The following GULP1 variants were observed in gnomAD, a reference collection of about 807,000 sequenced individuals.
GULP1 encodes the protein GULP PTB domain containing engulfment adaptor 1.
A neutral mutation model predicts 40.9 loss-of-function variants in GULP1; 19 were observed. The observed-to-expected ratio is 0.46, with a 90% CI of 0.32 to 0.68. GULP1 has a LOEUF of 0.68. Ranked by LOEUF, GULP1 falls within the 30% of genes least tolerant of loss-of-function variation. The pLI is 0.03. For synonymous variants in GULP1, 119 were observed against 117.6 expected (o/e 1.01, Z -0.08); for missense variants, 312 against 362.2 (o/e 0.86, Z 1.12).
At chr2:188,416,410 A>G (rs2054589201) in intron 2 of GULP1, among the ~76,000 whole-genome samples, 1 of 152,172 alleles carries the variant, frequency 6.6e-6, no homozygotes. Flanking sequence ...GTACATTTTC[A>G]ATGACTGAAA....
intron 1 of GULP1, among the ~76,000 whole-genome samples, chr2:188,328,724 G>A (rs183690136): frequency 5.8e-4 from 88 of 152,156 alleles, no homozygotes; most frequent in Non-Finnish European, 1.6e-4. Flanking sequence ...ACAAAATCAA[G>A]GAATTGCAGA....
chr2:188,351,244 T>C (rs561979417), intron 1 of GULP1, among the ~76,000 whole-genome samples: 24 of 151,906 alleles, frequency 1.6e-4, no homozygotes, highest in Non-Finnish European at 3.4e-4. Flanking sequence ...AGAAAAAAGA[T>C]GAGGAGAGAA....
chr2:188,587,654 T>C (rs892374453), intron 10 of GULP1, among the ~76,000 whole-genome samples: 2 of 152,182 alleles, frequency 1.3e-5, no homozygotes, highest in Admixed American at 1.3e-4. Context: ...TAAAACTTTT[T>C]AATATCATAA....
chr2:188,375,127 G>A (rs558966510), intron 1 of GULP1, among the ~76,000 whole-genome samples: 1 of 152,256 alleles, frequency 6.6e-6, no homozygotes, highest in East Asian at 1.9e-4. Flanking sequence ...ATGGCTAACA[G>A]CAGACAAATT....
At chr2:188,470,568 A>T (rs2060504962) in intron 2 of GULP1, among the ~76,000 whole-genome samples, 1 of 152,106 alleles carries the variant, frequency 6.6e-6, no homozygotes, top group African/African-American at 2.4e-5. Flanking sequence ...CTTCCCTCTT[A>T]GTACTGCTTT....
At chr2:188,522,604 A>T (rs1685132349) in intron 4 of GULP1, 152 bp from the exon 5 acceptor site, 1 of 222,728 alleles carries the variant, frequency 4.5e-6, no homozygotes, top group South Asian at 1.7e-4. Context: ...TTTTCATATA[A>T]TATAAAAATA....
At chr2:188,400,674 G>A (rs908908930) in intron 2 of GULP1, among the ~76,000 whole-genome samples, 3 of 152,092 alleles carry the variant, frequency 2.0e-5, no homozygotes, top group Admixed American at 1.3e-4. Flanking sequence ...AATGCTGGAA[G>A]AAAAAAGCTA....
At chr2:188,578,467 A>G (rs971993852) in intron 9 of GULP1, among the ~76,000 whole-genome samples, 3 of 151,838 alleles carry the variant, frequency 2.0e-5, no homozygotes, top group Non-Finnish European at 2.9e-5. Context: ...GCAAACTACC[A>G]TGACACATAT....
chr2:188,559,947 T>G (rs1695819302), intron 7 of GULP1, among the ~76,000 whole-genome samples: 1 of 152,186 alleles, frequency 6.6e-6, no homozygotes, highest in Admixed American at 6.5e-5. Flanking sequence ...GTCTGGTCAC[T>G]GCCACGTAAG....
At position 188,291,878 on chromosome 2, in the gene GULP1, C is replaced by G. The variant is rs2033845506; in HGVS notation, c.-460C>G. 1 of 152,288 alleles carries G rather than the reference C, an allele frequency of 6.6e-6. No individual in the cohort carries two copies. Among genetic ancestry groups the G allele is most frequent in the Non-Finnish European group, 1.5e-5 (1 of 68,184 alleles). The allele number at this position is 152,288 out of a possible 1,614,324, so 9.4% of individuals were successfully genotyped here. On this transcript the variant is annotated 5_prime_UTR_variant, in exon 1 of 12. Transcript: ENST00000409830. Reference sequence around the variant, plus strand: ...CACCGAGAGGGGGAGCCCGGCGTTCCCGGCCGGGAGCGACCCGGAGTCCCC... The same window carrying G: ...CACCGAGAGGGGGAGCCCGGCGTTCGCGGCCGGGAGCGACCCGGAGTCCCC...
intron 4 of GULP1, among the ~76,000 whole-genome samples, chr2:188,500,894 G>C (rs530882976): frequency 6.6e-6 from 1 of 151,996 alleles, no homozygotes; most frequent in East Asian, 1.9e-4. Flanking sequence ...TTGATCATTA[G>C]TCTGTGCTGA....
chr2:188,459,659 A>G (rs538025259), intron 2 of GULP1, among the ~76,000 whole-genome samples: 1 of 152,106 alleles, frequency 6.6e-6, no homozygotes, highest in South Asian at 2.1e-4. Flanking sequence ...ATGAGATACC[A>G]TTTGTCCATT....
At chr2:188,327,356 G>A (rs1299980019) in intron 1 of GULP1, among the ~76,000 whole-genome samples, 6 of 152,242 alleles carry the variant, frequency 3.9e-5, no homozygotes, top group Non-Finnish European at 8.8e-5. Context: ...TGCTCTGCTT[G>A]TGCCTGTAAA....
chr2:188,396,477 TC>T (rs1266736781), intron 2 of GULP1, among the ~76,000 whole-genome samples: 1 of 152,134 alleles, frequency 6.6e-6, no homozygotes, highest in African/African-American at 2.4e-5. Flanking sequence ...TCCACTCAGC[TC>T]CCCACACTGG....
intron 2 of GULP1, among the ~76,000 whole-genome samples, chr2:188,466,860 G>C (rs1005605195): frequency 6.6e-6 from 1 of 151,928 alleles, no homozygotes; most frequent in Admixed American, 6.6e-5. Context: ...GATACTCACC[G>C]CTATACTAAT....
chr2:188,562,639 A>G (rs919429482), intron 7 of GULP1, among the ~76,000 whole-genome samples: 3 of 151,778 alleles, frequency 2.0e-5, no homozygotes, highest in Non-Finnish European at 4.4e-5. Flanking sequence ...GTAGAAAAAA[A>G]GTCAATAAAA....
chr2:188,524,962 T>G (rs962361612), intron 5 of GULP1, among the ~76,000 whole-genome samples: 31 of 151,856 alleles, frequency 2.0e-4, no homozygotes, highest in African/African-American at 7.2e-4. Context: ...AATTTAAAAT[T>G]TAAGAATAAA....
chr2:188,333,817 T>G (rs1387500378), intron 1 of GULP1, among the ~76,000 whole-genome samples: 3 of 152,144 alleles, frequency 2.0e-5, no homozygotes, highest in Non-Finnish European at 2.9e-5. Flanking sequence ...CTCTGAGATC[T>G]CTCCTTAAGA....
At chr2:188,583,327 A>G (rs1436026237) in intron 9 of GULP1, among the ~76,000 whole-genome samples, 1 of 152,200 alleles carries the variant, frequency 6.6e-6, no homozygotes, top group Admixed American at 6.5e-5. Context: ...CAGAAAATTA[A>G]ACGTATTCTG....
Sources: gnomAD v4.1 joint callset for allele counts (sites outside exome capture counted in the v4.1 genomes callset) on GRCh38, gnomAD v4.1.1 for gene constraint, MANE v1.5 for transcripts, NCBI Gene and HGNC (gene_info 2026-07-23, HGNC 2026-07-21) for gene names.